ADAMTSL1: variants seen among roughly 807,000 people sequenced by gnomAD.
The protein encoded by ADAMTSL1 is ADAMTS-like protein 1.
Under a neutral mutation model 201.8 loss-of-function variants are expected in ADAMTSL1, and 126 were observed. The ratio of observed to expected loss-of-function variants is 0.62; its 90% CI spans 0.54 to 0.72. The LOEUF (loss-of-function observed/expected upper bound fraction) is 0.72, where lower values mean the gene tolerates loss of function less well. Ranked by LOEUF, ADAMTSL1 falls within the 30% of genes least tolerant of loss-of-function variation. ADAMTSL1 has a pLI of 0.00. For synonymous variants in ADAMTSL1, 1,121 were observed against 903.4 expected (o/e 1.24, Z -4.32); for missense variants, 2,679 against 2,277.8 (o/e 1.18, Z -3.59).
chr9:18,758,948 T>C (rs991550194), intron 16 of ADAMTSL1, among the ~76,000 whole-genome samples: 5 of 152,204 alleles, frequency 3.3e-5, no homozygotes, highest in African/African-American at 1.2e-4. Flanking sequence ...ATCATATGCA[T>C]CAATATTCCT....
At chr9:18,107,335 C>G (rs1271695706) in intron 1 of ADAMTSL1, among the ~76,000 whole-genome samples, 1 of 152,128 alleles carries the variant, frequency 6.6e-6, no homozygotes, top group Non-Finnish European at 1.5e-5. Context: ...TCCCAGGATC[C>G]TAATGAAGAT....
intron 2 of ADAMTSL1, among the ~76,000 whole-genome samples, chr9:18,345,254 C>T (rs1009670577): frequency 6.6e-6 from 1 of 152,060 alleles, no homozygotes; most frequent in African/African-American, 2.4e-5. Flanking sequence ...AGCTCACTGC[C>T]AATGCTCATT....
At chr9:18,104,823 T>C (rs1257754102) in intron 1 of ADAMTSL1, among the ~76,000 whole-genome samples, 2 of 152,190 alleles carry the variant, frequency 1.3e-5, no homozygotes, top group African/African-American at 4.8e-5. Flanking sequence ...AATATTCAAT[T>C]TGCAAGTCAC....
chr9:18,762,644 C>G (rs1199858584), intron 16 of ADAMTSL1, among the ~76,000 whole-genome samples: 2 of 152,030 alleles, frequency 1.3e-5, no homozygotes, highest in Non-Finnish European at 2.9e-5. Context: ...CCCCTCAGCC[C>G]CTCACTACCC....
Position 18,908,452 on chromosome 9 carries a change from A to G in ADAMTSL1, c.5193A>G (p.Arg1731=). The change falls in exon 29 of 29, where the codon AGA becomes AGG. Residue 1731 remains arginine (R), a synonymous_variant. Coordinates refer to ENST00000380548, the MANE Select transcript of ADAMTSL1 (RefSeq NM_001040272.6). The part of the protein sequence containing the change: ...NITPCENMEC[R]DTTRYCEKVK... ...GTCCTCCTTTCCCAGTGGAGTGCAG[A>G]GACACCACCAGGTACTGCGAGAAGG... The G allele has an allele frequency of 6.4e-7, 1 of 1,558,090 alleles. No individual in the cohort carries two copies. Among genetic ancestry groups the G allele is most frequent in the Non-Finnish European group, 8.7e-7 (1 of 1,150,810 alleles).
chr9:18,593,463 T>A (rs1824054744), intron 4 of ADAMTSL1, among the ~76,000 whole-genome samples: 1 of 152,144 alleles, frequency 6.6e-6, no homozygotes, highest in Non-Finnish European at 1.5e-5. Context: ...GGTTTGCTCT[T>A]ATTTTTCTAG....
intron 15 of ADAMTSL1, chr9:18,724,022 C>T (rs1817714655): frequency 6.6e-6 from 1 of 152,226 alleles, no homozygotes; most frequent in African/African-American, 2.4e-5. Context: ...TCAGCGTTCC[C>T]TGTACATTTT....
chr9:18,677,640 A>G (rs1830202399), intron 10 of ADAMTSL1, among the ~76,000 whole-genome samples: 1 of 152,014 alleles, frequency 6.6e-6, no homozygotes, highest in Non-Finnish European at 1.5e-5. Context: ...CTCTGGCATA[A>G]CTAATGCCTA....
chr9:18,896,241 T>G (rs986541186), intron 26 of ADAMTSL1, among the ~76,000 whole-genome samples: 1 of 152,058 alleles, frequency 6.6e-6, no homozygotes, highest in Non-Finnish European at 1.5e-5. Flanking sequence ...AAACTCTAAG[T>G]TGAAAAAGCC....
At position 18,776,879 on chromosome 9, in the gene ADAMTSL1, G is replaced by C. The variant is rs1025220334; in HGVS notation, c.2650G>C (p.Gly884Arg). ...GCAGAGGAAGCTGCACTTCGTGGTG[G>C]GGGGCTTCGCCTACCTGCTCCCCAA... ...RRQRKLHFVV[G>R]GFAYLLPKTA... The change falls in exon 19 of 29, where the codon GGG becomes CGG. Residue 884 changes from glycine (G) to arginine (R), a missense_variant. Coordinates refer to ENST00000380548, the MANE Select transcript of ADAMTSL1 (RefSeq NM_001040272.6). The C allele has an allele frequency of 4.3e-6, 7 of 1,611,358 alleles. No individual in the cohort carries two copies. Among genetic ancestry groups the C allele is most frequent in the Non-Finnish European group, 5.9e-6 (7 of 1,179,258 alleles).
chr9:18,581,167 A>G (rs929432814), intron 4 of ADAMTSL1, among the ~76,000 whole-genome samples: 1 of 151,982 alleles, frequency 6.6e-6, no homozygotes, highest in Non-Finnish European at 1.5e-5. Flanking sequence ...AATCTTTACT[A>G]TTTCTTAACT....
intron 2 of ADAMTSL1, among the ~76,000 whole-genome samples, chr9:18,411,777 A>G (rs1465598480): frequency 2.0e-5 from 3 of 152,176 alleles, no homozygotes; most frequent in Non-Finnish European, 2.9e-5. Context: ...CATAATATGC[A>G]TCACTAACTG....
intron 2 of ADAMTSL1, among the ~76,000 whole-genome samples, chr9:18,357,557 C>A (rs1836308228): frequency 6.6e-6 from 1 of 152,030 alleles, no homozygotes; most frequent in Admixed American, 6.6e-5. Context: ...TTAAGCATTG[C>A]TAGATTTTTT....
At chr9:18,394,804 AT>A (rs1242347021) in intron 2 of ADAMTSL1, among the ~76,000 whole-genome samples, 2 of 152,096 alleles carry the variant, frequency 1.3e-5, no homozygotes, top group Admixed American at 1.3e-4. Flanking sequence ...AAAGGAAAGC[AT>A]TTTTTTGCAT....
At position 18,180,791 on chromosome 9, in the gene ADAMTSL1, A is replaced by T. The variant is rs554884436; in HGVS notation, c.207+16810A>T. 7.9e-5 allele frequency among the ~76,000 whole-genome samples: 12 copies of T among 152,190 alleles called. No individual in the cohort carries two copies. The South Asian group carries it at 2.5e-3, about 32-fold the overall frequency. On this transcript the variant is annotated intron_variant, in intron 2 of 29. Transcript: ENST00000680146. ...ACAGAATTGGAAAAAACTACTTTAA[A>T]CTTCATATGGAACCAAACAAGAGCC...
At chr9:18,806,666 G>T (rs1588141773) in intron 20 of ADAMTSL1, among the ~76,000 whole-genome samples, 1 of 152,016 alleles carries the variant, frequency 6.6e-6, no homozygotes, top group East Asian at 1.9e-4. Flanking sequence ...ACTGAATTTT[G>T]ATTTTACCCC....
chr9:18,228,842 G>GT (rs57580462), intron 2 of ADAMTSL1, among the ~76,000 whole-genome samples: 4,737 of 139,846 alleles, frequency 0.034, 182 homozygotes, highest in African/African-American at 0.1. Flanking sequence ...GAGTTTTTTT[G>GT]TTTTTTTTTT....
intron 1 of ADAMTSL1, among the ~76,000 whole-genome samples, chr9:17,918,657 G>C (rs908947483): frequency 3.3e-5 from 5 of 151,528 alleles, no homozygotes; most frequent in Non-Finnish European, 7.4e-5. Flanking sequence ...GCTATTGTTT[G>C]ATAGAATGTT....
intron 1 of ADAMTSL1, among the ~76,000 whole-genome samples, chr9:17,971,135 C>T (rs148280021): frequency 3.0e-4 from 46 of 152,076 alleles, no homozygotes; most frequent in African/African-American, 1.1e-3. Flanking sequence ...TTGTGAAGGT[C>T]ATTCAGGTAT....
Sources: gnomAD v4.1 joint callset for allele counts (sites outside exome capture counted in the v4.1 genomes callset) on GRCh38, gnomAD v4.1.1 for gene constraint, MANE v1.5 for transcripts, NCBI Gene and HGNC (gene_info 2026-07-23, HGNC 2026-07-21) for gene names.